Variants in LINGO2 observed in about 807,000 individuals in gnomAD.
The protein encoded by LINGO2 is leucine rich repeat and Ig domain containing 2, also known as leucine-rich repeat and immunoglobulin-like domain-containing nogo receptor-interacting protein 2.
Under a neutral mutation model 30.6 loss-of-function variants are expected in LINGO2, and 14 were observed. That is an observed-to-expected ratio of 0.46 (90% CI 0.30 to 0.72). The LOEUF (loss-of-function observed/expected upper bound fraction) is 0.72. Ranked by LOEUF, LINGO2 falls within the 30% of genes least tolerant of loss-of-function variation. The pLI is 0.07. For synonymous variants in LINGO2, 317 were observed against 288.5 expected (o/e 1.10, Z -1.00); for missense variants, 729 against 751.7 (o/e 0.97, Z 0.35).
the LINGO2 span, among the ~76,000 whole-genome samples, chr9:29,024,025 T>C: frequency 1.3e-5 from 2 of 152,062 alleles, no homozygotes; most frequent in Non-Finnish European, 2.9e-5. Flanking sequence ...ATGTCCTCCT[T>C]CCACCCACAA....
At chr9:29,202,768 T>C in the LINGO2 span, among the ~76,000 whole-genome samples, 1 of 152,056 alleles carries the variant, frequency 6.6e-6, no homozygotes, top group Non-Finnish European at 1.5e-5. Flanking sequence ...CTTTTAGTTT[T>C]AATCTCCTAA....
At chr9:28,511,143 C>T (rs1430045372) in intron 1 of LINGO2, among the ~76,000 whole-genome samples, 1 of 152,082 alleles carries the variant, frequency 6.6e-6, no homozygotes, top group Non-Finnish European at 1.5e-5. Context: ...ATCTTTCAGT[C>T]CAATCAAGTT....
At chr9:27,950,513 C>T (rs146725079) in exon 6 of LINGO2, 37 of 1,585,112 alleles carry the variant, frequency 2.3e-5, no homozygotes, top group Non-Finnish European at 3.1e-5. Flanking sequence ...TGGGAATGCC[C>T]TCTGGGATGG....
chr9:28,692,387 G>A, the LINGO2 span, among the ~76,000 whole-genome samples: 10 of 152,046 alleles, frequency 6.6e-5, no homozygotes, highest in African/African-American at 2.2e-4. Flanking sequence ...AGGCAGGAGA[G>A]TCGCTTGAAC....
the LINGO2 span, among the ~76,000 whole-genome samples, chr9:29,021,050 C>T: frequency 6.6e-6 from 1 of 152,174 alleles, no homozygotes; most frequent in Non-Finnish European, 1.5e-5. Context: ...TAGCTATGTA[C>T]ATTGAAGGAG....
At chr9:28,296,933 A>C (rs914076664) in intron 3 of LINGO2, among the ~76,000 whole-genome samples, 7 of 152,098 alleles carry the variant, frequency 4.6e-5, no homozygotes, top group Non-Finnish European at 1.0e-4. Flanking sequence ...TTCTTTGAAG[A>C]TCTTCTGGAA....
chr9:28,413,199 AT>A (rs1381624118), intron 2 of LINGO2, among the ~76,000 whole-genome samples: 1 of 152,024 alleles, frequency 6.6e-6, no homozygotes, highest in Non-Finnish European at 1.5e-5. Flanking sequence ...TTAAATGCAG[AT>A]TTTCGACTGT....
chr9:28,755,384 G>A, the LINGO2 span, among the ~76,000 whole-genome samples: 2 of 151,992 alleles, frequency 1.3e-5, no homozygotes, highest in African/African-American at 4.8e-5. Context: ...GGGTCTTAGT[G>A]GCTCCATCTA....
At chr9:28,969,731 C>T in the LINGO2 span, among the ~76,000 whole-genome samples, 7 of 152,124 alleles carry the variant, frequency 4.6e-5, no homozygotes, top group East Asian at 7.7e-4. Flanking sequence ...AATGAATTGA[C>T]GTGGGTATGA....
chr9:28,670,499 T>C (rs1429285078), upstream of LINGO2, among the ~76,000 whole-genome samples: 1 of 152,140 alleles, frequency 6.6e-6, no homozygotes, highest in African/African-American at 2.4e-5. Flanking sequence ...CCCTAGATTA[T>C]GACATACTGC....
chr9:28,056,028 T>A (rs1303407696), intron 4 of LINGO2, among the ~76,000 whole-genome samples: 4 of 152,084 alleles, frequency 2.6e-5, no homozygotes, highest in African/African-American at 9.7e-5. Context: ...AATGAAAACT[T>A]AAGACAAAAG....
chr9:28,722,255 C>T, the LINGO2 span, among the ~76,000 whole-genome samples: 1 of 152,046 alleles, frequency 6.6e-6, no homozygotes, highest in Non-Finnish European at 1.5e-5. Flanking sequence ...ATAATTGCTA[C>T]AGATACTCAT....
intron 2 of LINGO2, among the ~76,000 whole-genome samples, chr9:28,432,725 T>C (rs1310001373): frequency 2.6e-5 from 4 of 152,152 alleles, no homozygotes; most frequent in East Asian, 1.9e-4. Flanking sequence ...AGAAAAATGT[T>C]ATAAGATACA....
At chr9:28,535,618 T>A (rs530692063) in intron 1 of LINGO2, among the ~76,000 whole-genome samples, 1 of 152,236 alleles carries the variant, frequency 6.6e-6, no homozygotes, top group East Asian at 1.9e-4. Context: ...TAGATTTCCT[T>A]TCTGCTACAA....
chr9:28,057,218 T>A (rs1391282543), intron 4 of LINGO2, among the ~76,000 whole-genome samples: 1 of 152,064 alleles, frequency 6.6e-6, no homozygotes, highest in Non-Finnish European at 1.5e-5. Context: ...TCCAACTGAT[T>A]TGGGCTGAAA....
intron 4 of LINGO2, among the ~76,000 whole-genome samples, chr9:28,027,361 C>G (rs1018230014): frequency 4.6e-5 from 7 of 152,200 alleles, no homozygotes; most frequent in African/African-American, 1.7e-4. Context: ...AGTTCATTAT[C>G]TTACCTACCA....
At chr9:28,751,053 A>G in the LINGO2 span, among the ~76,000 whole-genome samples, 2 of 151,950 alleles carry the variant, frequency 1.3e-5, no homozygotes, top group East Asian at 3.9e-4. Flanking sequence ...TCGCTTGAGA[A>G]CAGGAGTTTG....
the LINGO2 span, among the ~76,000 whole-genome samples, chr9:29,054,287 G>T: frequency 2.6e-5 from 4 of 152,046 alleles, no homozygotes; most frequent in Admixed American, 2.0e-4. Flanking sequence ...TGCTTATATT[G>T]TATCATGAAG....
the LINGO2 span, among the ~76,000 whole-genome samples, chr9:28,821,398 T>A: frequency 6.6e-6 from 1 of 152,280 alleles, no homozygotes; most frequent in South Asian, 2.1e-4. Flanking sequence ...GAAGTAGCAA[T>A]AATGTTCCTC....
Sources: gnomAD v4.1 joint callset for allele counts (sites outside exome capture counted in the v4.1 genomes callset) on GRCh38, gnomAD v4.1.1 for gene constraint, MANE v1.5 for transcripts, NCBI Gene and HGNC (gene_info 2026-07-23, HGNC 2026-07-21) for gene names.